Variants in SEL1L2 observed in about 807,000 individuals in gnomAD.
SEL1L2 encodes protein sel-1 homolog 2.
In SEL1L2, 89 loss-of-function variants were observed where a neutral mutation model predicts 98.8. That is an observed-to-expected ratio of 0.90 (90% confidence interval 0.76 to 1.07). SEL1L2 has a LOEUF of 1.07. SEL1L2 is among the 50% of genes least tolerant of loss of function. SEL1L2 has a pLI of 0.00. For synonymous variants in SEL1L2, 262 were observed against 278.5 expected (o/e 0.94, Z 0.59); for missense variants, 788 against 812.0 (o/e 0.97, Z 0.36).
intron 6 of SEL1L2, 110 bp from the exon 7 acceptor site, chr20:13,888,111 G>T (rs971608767): frequency 5.8e-6 from 5 of 857,246 alleles, no homozygotes; most frequent in Admixed American, 5.1e-5. Context: ...ATGACCCATT[G>T]AGTTACTCCA....
intron 2 of SEL1L2, among the ~76,000 whole-genome samples, chr20:13,939,665 CTTTTTTT>C (rs3042764): frequency 1.6e-4 from 22 of 138,582 alleles, no homozygotes; most frequent in South Asian, 8.9e-4. Flanking sequence ...CACCCTTATT[CTTTTTTT>C]TTTTTTTTTT....
chr20:13,993,544 A>G (rs927595948), upstream of SEL1L2, among the ~76,000 whole-genome samples: 4 of 152,242 alleles, frequency 2.6e-5, no homozygotes, highest in African/African-American at 9.6e-5. Flanking sequence ...ACACAATAAA[A>G]GTTCCAGTTC....
At chr20:13,980,236 G>C (rs2051744840) in intron 1 of SEL1L2, among the ~76,000 whole-genome samples, 1 of 152,164 alleles carries the variant, frequency 6.6e-6, no homozygotes, top group Non-Finnish European at 1.5e-5. Context: ...TCTTTTTTGA[G>C]ACAGAGTCTT....
At chr20:13,888,098 A>T in intron 6 of SEL1L2, 97 bp from the exon 7 acceptor site, 1 of 1,020,034 alleles carries the variant, frequency 9.8e-7, no homozygotes, top group Non-Finnish European at 1.5e-6. Context: ...TCCTAGCTCC[A>T]TAATGACCCA....
intron 18 of SEL1L2, among the ~76,000 whole-genome samples, chr20:13,850,962 C>G (rs1407653467): frequency 6.6e-6 from 1 of 151,886 alleles, no homozygotes; most frequent in Non-Finnish European, 1.5e-5. Flanking sequence ...GGGCCAGGCA[C>G]AGGGGGGTTC....
rs758580913 is a variant in SEL1L2, at chr20:13,865,223, T to G, written c.1589A>C (p.Glu530Ala). 1 of 1,613,816 alleles carries G rather than the reference T, an allele frequency of 6.2e-7. No individual in the cohort carries two copies. Among genetic ancestry groups the G allele is most frequent in the Non-Finnish European group, 8.5e-7 (1 of 1,179,740 alleles). ...CGCCATTGGATACATCTTCTCTTTT[T>G]CAAGAATGTTAGCCTTTTCTAAAAA... ...ILESKKANILEKEKMYPMALL... is the reference protein window; with the variant it reads ...ILESKKANILAKEKMYPMALL... Residue 530 changes from glutamate (E) to alanine (A), a missense_variant, in exon 17 of 20, where the codon GAA becomes GCA. By Grantham distance (107) the Glu-to-Ala change is moderately radical. Coordinates refer to ENST00000284951, the MANE Select transcript of SEL1L2 (RefSeq NM_025229.2).
chr20:13,861,215 G>A (rs1036112821), intron 17 of SEL1L2, among the ~76,000 whole-genome samples: 7 of 151,066 alleles, frequency 4.6e-5, no homozygotes, highest in Admixed American at 6.6e-5. Flanking sequence ...TGGATTTGTC[G>A]CCTAGGCTGT....
intron 2 of SEL1L2, among the ~76,000 whole-genome samples, chr20:13,943,121 C>A (rs1193425040): frequency 1.3e-5 from 2 of 152,190 alleles, no homozygotes; most frequent in Admixed American, 1.3e-4. Flanking sequence ...ATTTCTTCCT[C>A]TTGGCAAAGC....
rs568049752 is a variant in SEL1L2, at chr20:13,964,446, C to CTTTTTT, written c.59-8316_59-8315insAAAAAA. Among the ~76,000 whole-genome samples, 28 of 105,344 alleles carry CTTTTTT rather than the reference C, an allele frequency of 2.7e-4. 1 individual carries two copies. The highest frequency in any genetic ancestry group is 3.5e-4 in the Non-Finnish European group (19 of 53,850). 69.1% of individuals were successfully genotyped at this position (105,344 alleles called of 152,430 possible). ...TGTGCTCTGCTATCTGCTATCTCTTCATTTTTTTTTTTTTTTTTTTTCTGA... is the reference window on the plus strand; with the variant it reads ...TGTGCTCTGCTATCTGCTATCTCTTCTTTTTTATTTTTTTTTTTTTTTTTTTTCTGA... On this transcript the variant is annotated intron_variant, in intron 1 of 19. Transcript: ENST00000284951.
At chr20:13,986,382 C>T (rs560957628) in intron 1 of SEL1L2, among the ~76,000 whole-genome samples, 2 of 152,288 alleles carry the variant, frequency 1.3e-5, no homozygotes, top group East Asian at 3.9e-4. Flanking sequence ...ACTCTGTACC[C>T]ATTAAGCAGT....
intron 8 of SEL1L2, 121 bp from the exon 9 acceptor site, chr20:13,886,563 T>C: frequency 2.4e-6 from 2 of 848,750 alleles, no homozygotes; most frequent in Non-Finnish European, 3.6e-6. Context: ...GTTCAACTAA[T>C]AGAGACAGAA....
In SEL1L2 at chr20:13,951,453, T is replaced by C. The variant is rs1444909323; in HGVS notation, c.114+4623A>G. On this transcript the variant is annotated intron_variant, in intron 2 of 19. Transcript: ENST00000284951. ...CGTCTCTACTAAAAATACAAAAAAT[T>C]AGCTGGGCATGGTGTCACGCACCTA... 2.3e-5 allele frequency among the ~76,000 whole-genome samples: 3 copies of C among 132,858 alleles called. No individual in the cohort carries two copies. The Admixed American group carries it at 2.3e-4, about 10-fold the overall frequency. The allele number at this position is 132,858 out of a possible 152,430, so 87.2% of individuals were successfully genotyped here.
At chr20:13,893,450 G>A (rs1256457329) in intron 5 of SEL1L2, among the ~76,000 whole-genome samples, 8 of 152,072 alleles carry the variant, frequency 5.3e-5, no homozygotes, top group African/African-American at 7.2e-5. Flanking sequence ...TAAAAGGTTC[G>A]CTTCATTAGA....
At chr20:13,908,468 TC>T (rs2048075523) in intron 5 of SEL1L2, among the ~76,000 whole-genome samples, 2 of 152,318 alleles carry the variant, frequency 1.3e-5, no homozygotes, top group South Asian at 2.1e-4. Context: ...AACCTTCTTG[TC>T]TGGCAAATTA....
intron 2 of SEL1L2, among the ~76,000 whole-genome samples, chr20:13,953,460 C>T (rs2050369859): frequency 6.6e-6 from 1 of 152,070 alleles, no homozygotes; most frequent in African/African-American, 2.4e-5. Flanking sequence ...GATCGGTCTT[C>T]GTCCTTATCC....
rs11477736 is a variant in SEL1L2 at position 13,892,449 on chromosome 20, C to CA, written c.550-3938dup. Among the ~76,000 whole-genome samples, 14 of 143,490 alleles carry CA rather than the reference C, an allele frequency of 9.8e-5. No homozygotes were observed. In the South Asian group the frequency reaches 1.8e-3, roughly 18 times the overall value. 94.1% of individuals were successfully genotyped at this position (143,490 alleles called of 152,430 possible). A position where few individuals can be genotyped will look rare whatever the true frequency, so the allele number is the denominator to read the frequency against. On this transcript the variant is annotated intron_variant, in intron 5 of 19. Coordinates refer to ENST00000284951, the MANE Select transcript of SEL1L2 (RefSeq NM_025229.2). The stretch of plus-strand genomic sequence containing the variant: ...TGGGCTACAGAATGAGACTCCATCT[C>CA]AAAAAAAAAAAAAGTATAAGATATT...
intron 2 of SEL1L2, among the ~76,000 whole-genome samples, chr20:13,952,630 A>G (rs1331122625): frequency 6.6e-6 from 1 of 152,126 alleles, no homozygotes; most frequent in Non-Finnish European, 1.5e-5. Flanking sequence ...CTAGGAAGAG[A>G]AGGGAACCAG....
At chr20:13,914,606 C>T (rs868722948) in intron 4 of SEL1L2, among the ~76,000 whole-genome samples, 27 of 152,208 alleles carry the variant, frequency 1.8e-4, no homozygotes, top group African/African-American at 6.0e-4. Context: ...TTTCTGTGAC[C>T]CTCTAATCTA....
At chr20:13,861,762 C>G (rs186004615) in intron 17 of SEL1L2, among the ~76,000 whole-genome samples, 8 of 152,274 alleles carry the variant, frequency 5.3e-5, no homozygotes, top group Middle Eastern at 3.4e-3. Context: ...TTACGACCTA[C>G]AAGTTATGCC....
Sources: allele counts gnomAD v4.1 joint callset (sites outside exome capture counted in the v4.1 genomes callset), GRCh38; gene constraint gnomAD v4.1.1; transcripts MANE v1.5; gene names NCBI Gene and HGNC (gene_info 2026-07-23, HGNC 2026-07-21).